RIMS2: variants seen among roughly 807,000 people sequenced by gnomAD.
The protein encoded by RIMS2 is regulating synaptic membrane exocytosis 2.
In RIMS2, 59 loss-of-function variants were observed where a neutral mutation model predicts 174.4. The ratio of observed to expected loss-of-function variants is 0.34; its 90% CI spans 0.27 to 0.42. The LOEUF (loss-of-function observed/expected upper bound fraction) is 0.42. RIMS2 is among the 10% of genes least tolerant of loss of function. The pLI, the probability that RIMS2 is intolerant of heterozygous loss-of-function variation, is 1.00. For synonymous variants in RIMS2, 606 were observed against 572.5 expected (o/e 1.06, Z -0.84); for missense variants, 1,620 against 1,666.3 (o/e 0.97, Z 0.48).
At chr8:103,946,387 G>A (rs1482299192) in intron 14 of RIMS2, among the ~76,000 whole-genome samples, 1 of 152,104 alleles carries the variant, frequency 6.6e-6, no homozygotes, top group African/African-American at 2.4e-5. Context: ...AGCTACTCAG[G>A]AAGCTGAAGC....
intron 3 of RIMS2, among the ~76,000 whole-genome samples, chr8:103,771,458 C>T (rs760951063): frequency 1.3e-5 from 2 of 152,062 alleles, no homozygotes; most frequent in Admixed American, 6.6e-5. Context: ...CAAAATTTTA[C>T]TATTTAATTT....
chr8:104,101,375 C>T (rs928566170), intron 19 of RIMS2, among the ~76,000 whole-genome samples: 9 of 152,044 alleles, frequency 5.9e-5, no homozygotes, highest in Admixed American at 2.6e-4. Context: ...GTGATCCACC[C>T]GCCTCGGCCT....
intron 9 of RIMS2, chr8:103,921,065 T>C (rs1426595843): frequency 4.8e-6 from 1 of 210,200 alleles, no homozygotes; most frequent in Non-Finnish European, 9.6e-6. Flanking sequence ...TCTTCCCCAG[T>C]GTTCTGAATC....
chr8:103,898,181 T>C (rs2099301820), intron 4 of RIMS2, among the ~76,000 whole-genome samples: 1 of 151,670 alleles, frequency 6.6e-6, no homozygotes, highest in Non-Finnish European at 1.5e-5. Flanking sequence ...CTAAAGAGTA[T>C]ATGACTAAAC....
intron 19 of RIMS2, among the ~76,000 whole-genome samples, chr8:104,167,926 C>G (rs1445967179): frequency 6.6e-6 from 1 of 152,062 alleles, no homozygotes; most frequent in Non-Finnish European, 1.5e-5. Flanking sequence ...ATAGGGTGTT[C>G]TTTTCCCAAT....
intron 1 of RIMS2, among the ~76,000 whole-genome samples, chr8:103,660,025 T>C (rs11787180): frequency 0.18 from 26,752 of 152,184 alleles, 2,553 homozygotes; most frequent in African/African-American, 0.23. Context: ...ACCAAATTCA[T>C]TGGAGAGAAG....
intron 16 of RIMS2, among the ~76,000 whole-genome samples, chr8:103,982,545 G>A (rs978426172): frequency 2.7e-5 from 4 of 149,838 alleles, no homozygotes; most frequent in African/African-American, 7.4e-5. Flanking sequence ...TAAAAAGGTC[G>A]TTCATCAAGA....
At chr8:103,679,434 TC>T (rs2096852872) in intron 1 of RIMS2, among the ~76,000 whole-genome samples, 1 of 152,102 alleles carries the variant, frequency 6.6e-6, no homozygotes, top group Admixed American at 6.6e-5. Context: ...GTGTTGGAAA[TC>T]CTAGTAAACA....
intron 1 of RIMS2, among the ~76,000 whole-genome samples, chr8:103,614,818 C>G (rs2095468945): frequency 6.6e-6 from 1 of 152,172 alleles, no homozygotes; most frequent in South Asian, 2.1e-4. Context: ...ACAGCTATGT[C>G]ATATTTCTAT....
intron 19 of RIMS2, among the ~76,000 whole-genome samples, chr8:104,141,692 A>G (rs143795009): frequency 6.6e-6 from 1 of 152,256 alleles, no homozygotes; most frequent in East Asian, 1.9e-4. Context: ...TTCCATTTAT[A>G]TTTAGTTTTG....
At chr8:104,212,994 C>T (rs2099112354) in intron 19 of RIMS2, among the ~76,000 whole-genome samples, 1 of 152,072 alleles carries the variant, frequency 6.6e-6, no homozygotes, top group Non-Finnish European at 1.5e-5. Context: ...CCTATTTATC[C>T]TTCAAGTCTC....
At chr8:103,583,764 T>A (rs369912869) in intron 1 of RIMS2, among the ~76,000 whole-genome samples, 1 of 152,188 alleles carries the variant, frequency 6.6e-6, no homozygotes, top group South Asian at 2.1e-4. Context: ...AGCATACTTA[T>A]AGGACCTAGA....
chr8:104,140,380 T>C (rs913658635), intron 19 of RIMS2, among the ~76,000 whole-genome samples: 10 of 152,178 alleles, frequency 6.6e-5, no homozygotes, highest in Non-Finnish European at 1.2e-4. Context: ...CCCTTTTCTC[T>C]GTACTTATAA....
chr8:103,561,789 G>A (rs553001730), intron 1 of RIMS2, among the ~76,000 whole-genome samples: 45 of 152,050 alleles, frequency 3.0e-4, no homozygotes, highest in African/African-American at 8.2e-4. Flanking sequence ...ATTTTCATTC[G>A]GGTGATAAAG....
rs2098499074 is a variant in RIMS2 at position 103,791,507 on chromosome 8, A to G, written c.698+24970A>G. Among the ~76,000 whole-genome samples the G allele has an allele frequency of 2.0e-5, 3 of 152,192 alleles. No individual in the cohort carries two copies. In the South Asian group the frequency reaches 6.2e-4, roughly 31 times the overall value. On this transcript the variant is annotated intron_variant, in intron 3 of 23. Coordinates refer to ENST00000504942, the Ensembl canonical transcript of RIMS2. Reference sequence around the variant, plus strand: ...ACCGTCGATGCTAGGAAGAAACTGCATCAACTAACGAGCAAAATAACCAGC... The same window carrying G: ...ACCGTCGATGCTAGGAAGAAACTGCGTCAACTAACGAGCAAAATAACCAGC...
intron 2 of RIMS2, among the ~76,000 whole-genome samples, chr8:103,711,447 G>A (rs78195064): frequency 0.026 from 3,888 of 152,256 alleles, 54 homozygotes; most frequent in African/African-American, 0.031. Context: ...CATTATAATA[G>A]CAATTTTAAT....
chr8:103,504,403 G>T (rs182641221), intron 1 of RIMS2, among the ~76,000 whole-genome samples: 52 of 152,108 alleles, frequency 3.4e-4, no homozygotes, highest in Non-Finnish European at 6.3e-4. Flanking sequence ...AGGAATCATT[G>T]TTTGAAAGAA....
At chr8:104,245,372 T>C (rs1375171579) in intron 20 of RIMS2, among the ~76,000 whole-genome samples, 1 of 152,172 alleles carries the variant, frequency 6.6e-6, no homozygotes, top group Non-Finnish European at 1.5e-5. Context: ...CCAAAAATAA[T>C]AAGCATGCAT....
chr8:104,111,245 G>A (rs1362741472), intron 19 of RIMS2, among the ~76,000 whole-genome samples: 2 of 152,144 alleles, frequency 1.3e-5, no homozygotes, highest in Non-Finnish European at 2.9e-5. Context: ...TATAAAAATA[G>A]TTTCTATAGT....
Sources: gnomAD v4.1 joint callset for allele counts (sites outside exome capture counted in the v4.1 genomes callset) on GRCh38, gnomAD v4.1.1 for gene constraint, MANE v1.5 for transcripts, NCBI Gene and HGNC (gene_info 2026-07-23, HGNC 2026-07-21) for gene names.